The following MAP2K1 variants were observed in gnomAD, a reference collection of about 807,000 sequenced individuals.
MAP2K1 encodes dual specificity mitogen-activated protein kinase kinase 1.
A neutral mutation model predicts 46.3 loss-of-function variants in MAP2K1; 16 were observed. That is an observed-to-expected ratio of 0.35 (90% CI 0.23 to 0.52). The LOEUF (loss-of-function observed/expected upper bound fraction) is 0.52. Among genes scored for constraint, MAP2K1 ranks in the 20% least tolerant of loss-of-function variants. The pLI is 0.94. For synonymous variants in MAP2K1, 183 were observed against 185.6 expected, an observed-to-expected ratio of 0.99 and a Z score of 0.11; for missense variants, 263 against 497.1, an observed-to-expected ratio of 0.53 and a Z score of 4.48.
chr15:66,444,125 C>T, intron 4 of MAP2K1, among the ~76,000 whole-genome samples: 1 of 151,548 alleles, frequency 6.6e-6, no homozygotes, highest in Admixed American at 6.6e-5. Flanking sequence ...GTAATCCCAG[C>T]TACTCGGGAG....
chr15:66,432,409 A>T (rs1260957534), intron 1 of MAP2K1, among the ~76,000 whole-genome samples: 1 of 152,234 alleles, frequency 6.6e-6, no homozygotes, highest in Non-Finnish European at 1.5e-5. Context: ...AGGTGTAAGA[A>T]TTACTTATTT....
At position 66,435,025 on chromosome 15, in the gene MAP2K1, A is replaced by G. The variant is rs2140578314; in HGVS notation, c.81-2A>G. On this transcript the variant is annotated splice_acceptor_variant, in intron 1 of 10. Coordinates refer to ENST00000307102, the MANE Select transcript of MAP2K1 (RefSeq NM_002755.4). LOFTEE classifies it high-confidence loss of function. ...TGACTTGTGCTCCCCACTTTGGAAC[A>G]GGACCAACTTGGAGGCCTTGCAGAA... is the stretch of plus-strand genomic sequence containing the variant. 6.2e-7 allele frequency: 1 copy of G among 1,609,336 alleles called. No individual in the cohort carries two copies. The highest frequency in any genetic ancestry group is 8.5e-7 in the Non-Finnish European group (1 of 1,175,820).
chr15:66,414,381 A>T (rs1394560313), intron 1 of MAP2K1, among the ~76,000 whole-genome samples: 1 of 152,196 alleles, frequency 6.6e-6, no homozygotes, highest in Non-Finnish European at 1.5e-5. Context: ...TCAGGAATGC[A>T]CTGTACTTCT....
chr15:66,425,446 CTCT>C (rs2093455654), intron 1 of MAP2K1, among the ~76,000 whole-genome samples: 1 of 152,154 alleles, frequency 6.6e-6, no homozygotes, highest in East Asian at 1.9e-4. Context: ...TGGCCGCCTA[CTCT>C]TCTTCACTTG....
At chr15:66,476,846 A>G (rs4075665) in intron 5 of MAP2K1, among the ~76,000 whole-genome samples, 8,558 of 152,226 alleles carry the variant, frequency 0.056, 345 homozygotes, top group Middle Eastern at 0.11. Flanking sequence ...GGTGCTGAGG[A>G]AGATCAAGAA....
At chr15:66,462,335 A>G (rs1595875198) in intron 5 of MAP2K1, among the ~76,000 whole-genome samples, 2 of 152,118 alleles carry the variant, frequency 1.3e-5, no homozygotes, top group African/African-American at 4.8e-5. Context: ...CCCCATCTCT[A>G]CTAAAAATAC....
chr15:66,393,391 T>C (rs895655347), intron 1 of MAP2K1, among the ~76,000 whole-genome samples: 2 of 152,178 alleles, frequency 1.3e-5, no homozygotes, highest in African/African-American at 4.8e-5. Flanking sequence ...TTGCTCAGGC[T>C]GGTCTCCAAG....
intron 1 of MAP2K1, among the ~76,000 whole-genome samples, chr15:66,434,262 ATATTGTGATT>A (rs2093481794): frequency 6.6e-6 from 1 of 152,200 alleles, no homozygotes; most frequent in Non-Finnish European, 1.5e-5. Context: ...CTAGAATTTT[ATATTGTGATT>A]ACTCTGCAAG....
At chr15:66,414,583 T>TC (rs1190724899) in intron 1 of MAP2K1, among the ~76,000 whole-genome samples, 1 of 152,042 alleles carries the variant, frequency 6.6e-6, no homozygotes, top group African/African-American at 2.4e-5. Flanking sequence ...CCAGGGAAGC[T>TC]CCCCTGAGCT....
chr15:66,471,819 C>T (rs1297977311), intron 5 of MAP2K1, among the ~76,000 whole-genome samples: 1 of 152,092 alleles, frequency 6.6e-6, no homozygotes, highest in Non-Finnish European at 1.5e-5. Context: ...GTGGCTCACC[C>T]TATAATCCCA....
At chr15:66,409,073 C>T (rs779835117) in intron 1 of MAP2K1, among the ~76,000 whole-genome samples, 2 of 152,116 alleles carry the variant, frequency 1.3e-5, no homozygotes, top group South Asian at 2.1e-4. Context: ...TGTTGGTAAC[C>T]GTAGCATCTG....
intron 1 of MAP2K1, among the ~76,000 whole-genome samples, chr15:66,418,991 G>C (rs1461394889): frequency 2.5e-5 from 3 of 119,106 alleles, no homozygotes; most frequent in African/African-American, 9.9e-5. Context: ...TTTTGAGACA[G>C]AGTTTCACTT....
chr15:66,422,580 A>G (rs1221187989), intron 1 of MAP2K1, among the ~76,000 whole-genome samples: 7 of 152,216 alleles, frequency 4.6e-5, no homozygotes, highest in African/African-American at 1.2e-4. Context: ...TGTAGTACCT[A>G]TGACGGGAAA....
At chr15:66,478,474 A>G (rs1338419059) in intron 5 of MAP2K1, among the ~76,000 whole-genome samples, 1 of 135,934 alleles carries the variant, frequency 7.4e-6, no homozygotes, top group Admixed American at 7.3e-5. Context: ...ATATATATAT[A>G]CAGGTGTATA....
chr15:66,452,296 AAAAAAAAG>A (rs1391759867), intron 5 of MAP2K1, among the ~76,000 whole-genome samples: 5 of 34,720 alleles, frequency 1.4e-4, no homozygotes, highest in Non-Finnish European at 2.3e-4. Context: ...ATAAAAAAAA[AAAAAAAAG>A]AAAAAAAAAA....
intron 1 of MAP2K1, among the ~76,000 whole-genome samples, chr15:66,420,927 A>G (rs982471603): frequency 3.7e-5 from 5 of 133,632 alleles, no homozygotes; most frequent in African/African-American, 1.3e-4. Flanking sequence ...ACATACATAT[A>G]TATACACACA....
At chr15:66,423,127 T>C (rs2093447730) in intron 1 of MAP2K1, among the ~76,000 whole-genome samples, 1 of 152,100 alleles carries the variant, frequency 6.6e-6, no homozygotes, top group African/African-American at 2.4e-5. Flanking sequence ...TGTCGACCTA[T>C]CTTCAGGGTC....
At chr15:66,452,359 ATCTTG>A (rs956489762) in intron 5 of MAP2K1, among the ~76,000 whole-genome samples, 37 of 151,164 alleles carry the variant, frequency 2.4e-4, no homozygotes, top group African/African-American at 8.7e-4. Flanking sequence ...ACTGGCTGCC[ATCTTG>A]TCTTCTTTCT....
At chr15:66,427,042 CCCAGGTCTTT>C (rs2093461062) in intron 1 of MAP2K1, among the ~76,000 whole-genome samples, 2 of 152,276 alleles carry the variant, frequency 1.3e-5, no homozygotes, top group African/African-American at 4.8e-5. Flanking sequence ...GTTTTGTCTT[CCCAGGTCTTT>C]GAGAATGCGT....
Sources: gnomAD v4.1 joint callset for allele counts (sites outside exome capture counted in the v4.1 genomes callset) on GRCh38, gnomAD v4.1.1 for gene constraint, MANE v1.5 for transcripts, NCBI Gene and HGNC (gene_info 2026-07-23, HGNC 2026-07-21) for gene names.